Variants in GRIK4 observed in about 807,000 individuals in gnomAD.
GRIK4 encodes glutamate receptor ionotropic, kainate 4.
Under a neutral mutation model 104.9 loss-of-function variants are expected in GRIK4, and 40 were observed. The ratio of observed to expected loss-of-function variants is 0.38; its 90% CI spans 0.30 to 0.50. The LOEUF (loss-of-function observed/expected upper bound fraction) is 0.50. GRIK4 is among the 20% of genes least tolerant of loss of function. GRIK4 has a pLI of 0.93. For synonymous variants in GRIK4, 485 were observed against 524.9 expected (o/e 0.92, Z 1.04); for missense variants, 1,047 against 1,308.1 (o/e 0.80, Z 3.08).
intron 3 of GRIK4, among the ~76,000 whole-genome samples, chr11:120,782,508 A>G (rs1221536578): frequency 6.6e-6 from 1 of 151,952 alleles, no homozygotes; most frequent in African/African-American, 2.4e-5. Flanking sequence ...GATGGTCTCG[A>G]TCTCCTGACC....
chr11:120,543,079 TTGG>T (rs968948536), intron 1 of GRIK4, among the ~76,000 whole-genome samples: 2 of 152,144 alleles, frequency 1.3e-5, no homozygotes, highest in African/African-American at 4.8e-5. Context: ...CCGTACACTG[TTGG>T]TGGGAATGTA....
chr11:120,553,076 T>C (rs950209810), intron 1 of GRIK4, among the ~76,000 whole-genome samples: 1 of 145,642 alleles, frequency 6.9e-6, no homozygotes, highest in African/African-American at 2.5e-5. Flanking sequence ...GAGATTAGAG[T>C]GGGCTGTAAT....
intron 3 of GRIK4, among the ~76,000 whole-genome samples, chr11:120,702,578 A>T (rs573349101): frequency 6.6e-6 from 1 of 152,284 alleles, no homozygotes; most frequent in South Asian, 2.1e-4. Flanking sequence ...AAGAGGTCAG[A>T]GGGATGCAGA....
chr11:120,806,523 A>C (rs1185258447), intron 4 of GRIK4, among the ~76,000 whole-genome samples: 1 of 152,114 alleles, frequency 6.6e-6, no homozygotes, highest in Non-Finnish European at 1.5e-5. Flanking sequence ...CTAACCCTAC[A>C]CCTGTCACCC....
At chr11:120,972,555 A>C (rs748114042) in intron 19 of GRIK4, among the ~76,000 whole-genome samples, 6 of 152,208 alleles carry the variant, frequency 3.9e-5, no homozygotes, top group Non-Finnish European at 7.3e-5. Flanking sequence ...GAACCAGGCC[A>C]CCAAGTCTGC....
At chr11:120,721,451 T>C (rs1034335751) in intron 3 of GRIK4, among the ~76,000 whole-genome samples, 4 of 152,108 alleles carry the variant, frequency 2.6e-5, no homozygotes, top group African/African-American at 7.2e-5. Context: ...GATAGTTTGT[T>C]CCTCACAGTT....
At chr11:120,572,794 TTG>T (rs373624287) in intron 1 of GRIK4, among the ~76,000 whole-genome samples, 3 of 152,216 alleles carry the variant, frequency 2.0e-5, no homozygotes, top group African/African-American at 7.2e-5. Context: ...ACTGATGGAT[TTG>T]TGTCTTTCCC....
intron 3 of GRIK4, among the ~76,000 whole-genome samples, chr11:120,752,994 C>G (rs1174477577): frequency 6.6e-6 from 1 of 152,256 alleles, no homozygotes; most frequent in African/African-American, 2.4e-5. Flanking sequence ...CCCACCCTCT[C>G]CCTTGTGGCC....
intron 3 of GRIK4, among the ~76,000 whole-genome samples, chr11:120,771,191 T>A (rs1304201421): frequency 6.6e-6 from 1 of 152,124 alleles, no homozygotes; most frequent in Non-Finnish European, 1.5e-5. Flanking sequence ...AGAGAAAACT[T>A]CAGTCTTTGT....
chr11:120,590,565 A>C (rs1303759908), intron 1 of GRIK4, among the ~76,000 whole-genome samples: 2 of 152,190 alleles, frequency 1.3e-5, no homozygotes, highest in African/African-American at 4.8e-5. Flanking sequence ...CCTGGAATGT[A>C]ATTGGCACTC....
chr11:120,589,942 A>C (rs967742423), intron 1 of GRIK4, among the ~76,000 whole-genome samples: 1 of 152,178 alleles, frequency 6.6e-6, no homozygotes, highest in Non-Finnish European at 1.5e-5. Flanking sequence ...CCTGAGGCCC[A>C]GGGAGGGAGG....
intron 3 of GRIK4, among the ~76,000 whole-genome samples, chr11:120,788,063 G>A (rs1427347061): frequency 2.0e-5 from 3 of 150,482 alleles, no homozygotes; most frequent in Admixed American, 2.0e-4. Flanking sequence ...TAGAGATGGG[G>A]TTTCACCATG....
rs565523871 is a variant in GRIK4, at chr11:120,614,234, C to T, written c.-158-39451C>T. ...TTATGTGGTTGGTGGTCCTGGGAAC[C>T]ACACAGAAAGGGGGTTATGGTTTTT... On this transcript the variant is annotated intron_variant, in intron 1 of 20. Transcript: ENST00000527524. Among the ~76,000 whole-genome samples, 52 of 152,324 alleles carry T rather than the reference C, an allele frequency of 3.4e-4. No individual in the cohort carries two copies. In the South Asian group the frequency reaches 7.1e-3, roughly 21 times the overall value.
At chr11:120,778,325 C>T (rs563054909) in intron 3 of GRIK4, among the ~76,000 whole-genome samples, 1 of 152,240 alleles carries the variant, frequency 6.6e-6, no homozygotes, top group South Asian at 2.1e-4. Flanking sequence ...CTTCCAGAGG[C>T]ACTAGGACGC....
intron 3 of GRIK4, among the ~76,000 whole-genome samples, chr11:120,718,337 C>A (rs1210105771): frequency 6.6e-6 from 1 of 152,192 alleles, no homozygotes; most frequent in Non-Finnish European, 1.5e-5. Flanking sequence ...AGTGATGTGA[C>A]CAGCGTCTCT....
At chr11:120,600,447 T>G (rs1948870120) in intron 1 of GRIK4, among the ~76,000 whole-genome samples, 1 of 152,218 alleles carries the variant, frequency 6.6e-6, no homozygotes, top group Admixed American at 6.5e-5. Flanking sequence ...TGCCTGAGGC[T>G]AACTCAGGGA....
In GRIK4 at chr11:120,660,340, T is replaced by G. The variant is rs138074057; in HGVS notation, c.22T>G (p.Leu8Val). The G allele has an allele frequency of 3.7e-6, 6 of 1,613,332 alleles. No homozygotes were observed. The African/African-American group carries it at 8.0e-5, about 22-fold the overall frequency. ...GAAGATGCCCCGCGTCTCGGCGCCT[T>G]TGGTGCTGCTTCCTGCGTGGCTCGT... MPRVSAP[L>V]VLLPAWLVMV... The change falls in exon 3 of 21, where the codon TTG becomes GTG. Residue 8 changes from leucine to valine, a missense_variant. Transcript: ENST00000527524.
intron 13 of GRIK4, among the ~76,000 whole-genome samples, chr11:120,932,390 C>T (rs769807861): frequency 1.7e-4 from 26 of 152,052 alleles, no homozygotes; most frequent in Non-Finnish European, 3.4e-4. Flanking sequence ...CCCCGCCCAC[C>T]CTGAATCCCC....
At chr11:120,839,919 T>C (rs11218025) in intron 8 of GRIK4, among the ~76,000 whole-genome samples, 49,720 of 152,104 alleles carry the variant, frequency 0.33, 8,979 homozygotes, top group East Asian at 0.49. Context: ...CATTTGACCC[T>C]ATAGAAACAC....
Sources: gnomAD v4.1 joint callset for allele counts (sites outside exome capture counted in the v4.1 genomes callset) on GRCh38, gnomAD v4.1.1 for gene constraint, MANE v1.5 for transcripts, NCBI Gene and HGNC (gene_info 2026-07-23, HGNC 2026-07-21) for gene names.